BAK1: variants seen among roughly 807,000 people sequenced by gnomAD.
The protein encoded by BAK1 is bcl-2 homologous antagonist/killer.
In BAK1, 19 loss-of-function variants were observed where a neutral mutation model predicts 24.7. That is an observed-to-expected ratio of 0.77 (90% CI 0.54 to 1.13). BAK1 has a LOEUF of 1.13. Among genes scored for constraint, BAK1 ranks in the 50% most tolerant of loss-of-function variants. The pLI is 0.00. For missense variants in BAK1, 194 were observed against 279.4 expected (o/e 0.69, Z 2.18); for synonymous variants, 86 against 107.3 (o/e 0.80, Z 1.23).
At position 33,573,504 on chromosome 6, in the gene BAK1, C is replaced by T; in HGVS notation, c.*299G>A. On this transcript the variant is annotated 3_prime_UTR_variant, in exon 6 of 6. Transcript: ENST00000374467. ...AAGTGGCTCCCAGTCTCTTGCCTCC[C>T]CAAGTTATCAGTCTCCCCAGCGCCT... The T allele has an allele frequency of 5.0e-6, 2 of 402,094 alleles. No individual in the cohort carries two copies. The highest frequency in any genetic ancestry group is 9.0e-6 in the Non-Finnish European group (2 of 222,996). The allele number at this position is 402,094 out of a possible 1,614,324, so 24.9% of individuals were successfully genotyped here.
chr6:33,579,153 T>C (rs210143), intron 1 of BAK1, among the ~76,000 whole-genome samples: 112,591 of 152,054 alleles, frequency 0.74, 41,785 homozygotes, highest in South Asian at 0.86. Flanking sequence ...CAAGACCAGC[T>C]TGGCCAACAT....
chr6:33,574,282 T>A (rs1762807845), intron 4 of BAK1, 68 bp from the exon 5 acceptor site: 5 of 1,560,836 alleles, frequency 3.2e-6, no homozygotes, highest in Non-Finnish European at 4.4e-6. Flanking sequence ...GCCTGGCCTC[T>A]CCCACCCCTC....
At position 33,578,446 on chromosome 6, in the gene BAK1, A is replaced by G. The variant is rs1250996180; in HGVS notation, c.-31-811T>C. Among the ~76,000 whole-genome samples the G allele has an allele frequency of 6.6e-6, 1 of 152,200 alleles. No individual in the cohort carries two copies. The highest frequency in any genetic ancestry group is 1.9e-4 in the East Asian group (1 of 5,204). On this transcript the variant is annotated intron_variant, in intron 1 of 5. Transcript: ENST00000374467. This position sits in a 1 kb window ranked among gnomAD's most constrained non-coding sequence, Gnocchi z 4.8. The stretch of plus-strand genomic sequence containing the variant: ...TGTTTGTCTGAATCTCCGTGAGTCC[A>G]TGTACTCAACACGCATGCAAGATTT...
In BAK1 at chr6:33,575,461, G is replaced by A. The variant is rs1015992071; in HGVS notation, c.207-20C>T. ...ATGGTGCTGTAGGAGCAGGAGGCATGCAGGTGAGCCAGTAACCAGGCAGTC... is the reference window on the plus strand; with the variant it reads ...ATGGTGCTGTAGGAGCAGGAGGCATACAGGTGAGCCAGTAACCAGGCAGTC... On this transcript the variant is annotated intron_variant, in intron 3 of 5. Coordinates refer to ENST00000374467, the MANE Select transcript of BAK1 (RefSeq NM_001188.4). This position sits in a 1 kb window ranked among gnomAD's most constrained non-coding sequence, Gnocchi z 6.3. 1.2e-6 allele frequency: 2 copies of A among 1,612,782 alleles called. No individual in the cohort carries two copies. Among genetic ancestry groups the A allele is most frequent in the East Asian group, 2.2e-5 (1 of 44,888 alleles).
chr6:33,575,548 C>A lies in BAK1; in HGVS notation c.207-107G>T. The A allele has an allele frequency of 6.7e-6, 10 of 1,483,932 alleles. No homozygotes were observed. The highest frequency in any genetic ancestry group is 3.6e-5 in the South Asian group (3 of 84,420). 91.9% of individuals were successfully genotyped at this position (1,483,932 alleles called of 1,614,324 possible). A position where few individuals can be genotyped will look rare whatever the true frequency, so the allele number is the denominator to read the frequency against. On this transcript the variant is annotated intron_variant, in intron 3 of 5. Coordinates refer to ENST00000374467, the MANE Select transcript of BAK1 (RefSeq NM_001188.4). This position sits in a 1 kb window ranked among gnomAD's most constrained non-coding sequence, Gnocchi z 6.3. ...CTGAGCTGTCCATGGCCCTGTGCAT[C>A]CCTTCTTGGAGGTCCCTGACAGTGT... is the stretch of plus-strand genomic sequence containing the variant.
rs1361405637 is a variant in BAK1 at position 33,577,873 on chromosome 6, T to C, written c.-31-238A>G. ...CACCGTGCCTGGCCTCCTCTGGGAC[T>C]TTTTATTCTTACTCCAGCATGGGTC... On this transcript the variant is annotated intron_variant, in intron 1 of 5. Transcript: ENST00000374467. This position sits in a 1 kb window ranked among gnomAD's most constrained non-coding sequence, Gnocchi z 4.6. 6.6e-6 allele frequency among the ~76,000 whole-genome samples: 1 copy of C among 152,174 alleles called. No individual in the cohort carries two copies. Among genetic ancestry groups the C allele is most frequent in the Non-Finnish European group, 1.5e-5 (1 of 68,026 alleles).
At position 33,577,599 on chromosome 6, in the gene BAK1, A is replaced by G; in HGVS notation, c.6T>C (p.Ala2=). Residue 2 remains alanine (A), a synonymous_variant, in exon 2 of 6, where the codon GCT becomes GCC. Transcript: ENST00000374467. This position sits in a 1 kb window ranked among gnomAD's most constrained non-coding sequence, Gnocchi z 4.6. M[A]SGQGPGPPRQ... ...TGGGAGGACCTGGGCCTTGCCCCGA[A>G]GCCATTTTTCAGGTCTCAGTGGAGG... 1 of 1,549,260 alleles carries G rather than the reference A, an allele frequency of 6.5e-7. No individual in the cohort carries two copies. The highest frequency in any genetic ancestry group is 8.7e-7 in the Non-Finnish European group (1 of 1,145,340).
chr6:33,579,663 G>C (rs210145), intron 1 of BAK1, among the ~76,000 whole-genome samples: 76,374 of 152,056 alleles, frequency 0.5, 20,261 homozygotes, highest in East Asian at 0.77. Context: ...GATGAATGTT[G>C]CCCAGGGATA....
chr6:33,574,289 C>G, intron 4 of BAK1, 75 bp from the exon 5 acceptor site: 1 of 1,547,538 alleles, frequency 6.5e-7, no homozygotes, highest in Non-Finnish European at 8.8e-7. Flanking sequence ...CTCTCCCACC[C>G]CTCTCCCAGC....
In BAK1 at chr6:33,577,221, A is replaced by G. The variant is rs1158165590; in HGVS notation, c.70+314T>C. 6.6e-6 allele frequency among the ~76,000 whole-genome samples: 1 copy of G among 152,102 alleles called. No homozygotes were observed. The highest frequency in any genetic ancestry group is 1.5e-5 in the Non-Finnish European group (1 of 68,012). On this transcript the variant is annotated intron_variant, in intron 2 of 5. Coordinates refer to ENST00000374467, the MANE Select transcript of BAK1 (RefSeq NM_001188.4). The surrounding 1 kb of genome is among the most constrained non-coding windows in gnomAD (Gnocchi z 4.6). ...TCCTTATTTCTCCCGCTGGAGGGAT[A>G]CAGCAGCCAGGCCCCACTCTAATTC...
chr6:33,574,129 C>T lies in BAK1; in HGVS notation c.436G>A (p.Gly146Ser). The T allele has an allele frequency of 6.2e-7, 1 of 1,614,172 alleles. No homozygotes were observed. Among genetic ancestry groups the T allele is most frequent in the Non-Finnish European group, 8.5e-7 (1 of 1,180,022 alleles). The part of the protein sequence containing the change: ...YRLALHVYQH[G>S]LTGFLGQVTR... The stretch of plus-strand genomic sequence containing the variant: ...ACCTGGCCTAGGAAGCCAGTCAGGC[C>T]ATGCTGGTAGACGTGTAGGGCCAGA... Residue 146 changes from glycine to serine, a missense_variant, in exon 5 of 6, where the codon GGC becomes AGC. By Grantham distance (56) the Gly-to-Ser change is moderately conservative. Transcript: ENST00000374467.
chr6:33,576,672 C>CAAAAAAAAA (rs370237502), intron 2 of BAK1, among the ~76,000 whole-genome samples: 3 of 128,906 alleles, frequency 2.3e-5, no homozygotes, highest in Non-Finnish European at 5.1e-5. Context: ...ACAAAAAAAA[C>CAAAAAAAAA]AAAAAAAAAA....
At chr6:33,576,860 C>T (rs371313473) in intron 2 of BAK1, among the ~76,000 whole-genome samples, 1 of 152,118 alleles carries the variant, frequency 6.6e-6, no homozygotes, top group Non-Finnish European at 1.5e-5. Context: ...GGTCATACAG[C>T]CAGAACAAGC....
chr6:33,577,536 A>G lies in BAK1; in HGVS notation c.69T>C (p.Ser23=), dbSNP rs1384918850. Residue 23 remains serine, a splice_region_variant and synonymous_variant, in exon 2 of 6, where the codon TCT becomes TCC. Transcript: ENST00000374467. The surrounding 1 kb of genome is among the most constrained non-coding windows in gnomAD (Gnocchi z 4.6). The part of the protein sequence containing the change: ...ECGEPALPSA[S]EEQVAQDTEE... ...GTGAGGGGGCAGGAAGACCCTTACC[A>G]GAAGCAGAGGGCAGGGCAGGCTCTC... is the stretch of plus-strand genomic sequence containing the variant. The G allele has an allele frequency of 1.3e-6, 2 of 1,546,936 alleles. No individual in the cohort carries two copies. The highest frequency in any genetic ancestry group is 3.9e-5 in the Admixed American group (2 of 50,650).
At position 33,574,139 on chromosome 6, in the gene BAK1, G is replaced by A. The variant is rs1762805288; in HGVS notation, c.426C>T (p.Val142=). The part of the protein sequence containing the change: ...LGFGYRLALH[V]YQHGLTGFLG... ...GGAAGCCAGTCAGGCCATGCTGGTAGACGTGTAGGGCCAGACGGTAGCCGA... is the reference window on the plus strand; with the variant it reads ...GGAAGCCAGTCAGGCCATGCTGGTAAACGTGTAGGGCCAGACGGTAGCCGA... The change falls in exon 5 of 6, where the codon GTC becomes GTT. Residue 142 remains valine, a synonymous_variant. Transcript: ENST00000374467. 1 of 1,614,210 alleles carries A rather than the reference G, an allele frequency of 6.2e-7. No individual in the cohort carries two copies. The highest frequency in any genetic ancestry group is 2.2e-5 in the East Asian group (1 of 44,874).
chr6:33,574,245 G>T, intron 4 of BAK1, 31 bp from the exon 5 acceptor site: 1 of 1,601,236 alleles, frequency 6.2e-7, no homozygotes, highest in Non-Finnish European at 8.5e-7. Context: ...AGCATTGGTG[G>T]AGAGCCCCCA....
chr6:33,578,489 C>CTGGA lies in BAK1; in HGVS notation c.-31-855_-31-854insTCCA. On this transcript the variant is annotated intron_variant, in intron 1 of 5. Transcript: ENST00000374467. This position sits in a 1 kb window ranked among gnomAD's most constrained non-coding sequence, Gnocchi z 4.8. ...CAAGATTTCTTTTCCAGTTTGTGGA[C>CTGGA]CTCAGAGTGTGTTCTTTCTCAGGGC... is the stretch of plus-strand genomic sequence containing the variant. Among the ~76,000 whole-genome samples, 1 of 152,316 alleles carries CTGGA rather than the reference C, an allele frequency of 6.6e-6. No individual in the cohort carries two copies. The highest frequency in any genetic ancestry group is 2.1e-4 in the South Asian group (1 of 4,830).
Position 33,577,443 on chromosome 6 carries a change from G to C in BAK1, c.70+92C>G. On this transcript the variant is annotated intron_variant, in intron 2 of 5. Transcript: ENST00000374467. The surrounding 1 kb of genome is among the most constrained non-coding windows in gnomAD (Gnocchi z 4.6). ...ATTCCCCACCCACAGTGGGTGAACC[G>C]AGGCGAAGGAGCCTGCCTGAGTCCT... 8.0e-7 allele frequency: 1 copy of C among 1,244,684 alleles called. No individual in the cohort carries two copies. The highest frequency in any genetic ancestry group is 1.1e-6 in the Non-Finnish European group (1 of 919,444). The allele number at this position is 1,244,684 out of a possible 1,614,324, so 77.1% of individuals were successfully genotyped here. A position where few individuals can be genotyped will look rare whatever the true frequency, so the allele number is the denominator to read the frequency against.
chr6:33,574,469 G>A, intron 4 of BAK1: 1 of 1,491,868 alleles, frequency 6.7e-7, no homozygotes, highest in Non-Finnish European at 8.9e-7. Context: ...AGAGGGCAGA[G>A]GGCAGAGCAA....
Sources: gnomAD v4.1 joint callset for allele counts (sites outside exome capture counted in the v4.1 genomes callset) on GRCh38, gnomAD v4.1.1 for gene constraint, Gnocchi (gnomAD v3.1) non-coding constraint, MANE v1.5 for transcripts, NCBI Gene and HGNC (gene_info 2026-07-23, HGNC 2026-07-21) for gene names.